The following GPC5 variants were observed in gnomAD, a reference collection of about 807,000 sequenced individuals.
GPC5 encodes glypican 5, also known as glypican-5.
Under a neutral mutation model 53.9 loss-of-function variants are expected in GPC5, and 47 were observed. The observed-to-expected ratio is 0.87, with a 90% CI of 0.69 to 1.11. The LOEUF is 1.11. Ranked by LOEUF, GPC5 falls within the 50% of genes most tolerant of loss-of-function variation. The pLI is 0.00. For missense variants in GPC5, 748 were observed against 713.1 expected, an observed-to-expected ratio of 1.05 and a Z score of -0.56; for synonymous variants, 286 against 263.3, an observed-to-expected ratio of 1.09 and a Z score of -0.84.
chr13:91,712,214 C>T (rs570785645), intron 3 of GPC5, among the ~76,000 whole-genome samples: 30 of 151,210 alleles, frequency 2.0e-4, no homozygotes, highest in African/African-American at 6.1e-4. Flanking sequence ...CCATATGCAC[C>T]GAGAATTATT....
At chr13:91,943,581 A>T (rs1159030530) in intron 6 of GPC5, among the ~76,000 whole-genome samples, 5 of 152,184 alleles carry the variant, frequency 3.3e-5, no homozygotes, top group African/African-American at 1.2e-4. Flanking sequence ...ACTATTTTTG[A>T]TAAGGTTGAT....
intron 3 of GPC5, among the ~76,000 whole-genome samples, chr13:91,721,835 C>A (rs2036481304): frequency 6.6e-6 from 1 of 152,192 alleles, no homozygotes; most frequent in Non-Finnish European, 1.5e-5. Flanking sequence ...AACCAATTGA[C>A]CACCTGGCTG....
chr13:92,011,902 T>C (rs2040665183), intron 6 of GPC5, among the ~76,000 whole-genome samples: 1 of 152,174 alleles, frequency 6.6e-6, no homozygotes, highest in Admixed American at 6.5e-5. Context: ...AGTGCTCACA[T>C]TGATAATGAT....
intron 7 of GPC5, chr13:92,240,166 TG>T (rs1218915110): frequency 6.6e-6 from 1 of 152,094 alleles, no homozygotes; most frequent in African/African-American, 2.4e-5. Flanking sequence ...TATATCTATT[TG>T]ATATTATATT....
chr13:92,551,881 T>TC (rs1467167171), intron 7 of GPC5, among the ~76,000 whole-genome samples: 1 of 151,862 alleles, frequency 6.6e-6, no homozygotes, highest in Non-Finnish European at 1.5e-5. Flanking sequence ...CTTGAGACTT[T>TC]CCCTGAAGGG....
rs1476567609 is a variant in GPC5 at position 91,904,080 on chromosome 13, C to A, written c.1281-3857C>A. On this transcript the variant is annotated intron_variant, in intron 5 of 7. Transcript: ENST00000377067. The stretch of plus-strand genomic sequence containing the variant: ...AGTTATATTACTGTTTAGCTGGTTA[C>A]ATGCAACCATTTGTTGAGGAGGATT... Among the ~76,000 whole-genome samples, 5 of 150,998 alleles carry A rather than the reference C, an allele frequency of 3.3e-5. No individual in the cohort carries two copies. In the East Asian group the frequency reaches 9.7e-4, roughly 29 times the overall value.
At chr13:92,598,908 T>C (rs1356948447) in intron 7 of GPC5, among the ~76,000 whole-genome samples, 1 of 152,188 alleles carries the variant, frequency 6.6e-6, no homozygotes, top group Non-Finnish European at 1.5e-5. Flanking sequence ...TCCCAGCTAC[T>C]TTGTGTGAGA....
At chr13:91,414,836 A>G (rs1201439015) in intron 1 of GPC5, among the ~76,000 whole-genome samples, 1 of 152,182 alleles carries the variant, frequency 6.6e-6, no homozygotes, top group Admixed American at 6.5e-5. Flanking sequence ...CCAACTAACT[A>G]TGAAGGTGGG....
intron 6 of GPC5, among the ~76,000 whole-genome samples, chr13:92,000,796 A>G (rs1230192997): frequency 1.3e-5 from 2 of 152,258 alleles, no homozygotes; most frequent in East Asian, 3.9e-4. Flanking sequence ...GAGAGGAACC[A>G]TACCTTTTAT....
At chr13:92,315,397 G>C (rs1171373089) in intron 7 of GPC5, among the ~76,000 whole-genome samples, 1 of 152,100 alleles carries the variant, frequency 6.6e-6, no homozygotes, top group Non-Finnish European at 1.5e-5. Context: ...AGCTACTTTA[G>C]AAACTCTACC....
chr13:92,338,280 C>T (rs2043338860), intron 7 of GPC5, among the ~76,000 whole-genome samples: 1 of 152,066 alleles, frequency 6.6e-6, no homozygotes, highest in Non-Finnish European at 1.5e-5. Flanking sequence ...AAATTCAAAA[C>T]ACCAAATGCT....
At chr13:91,923,592 T>C (rs2039737729) in intron 6 of GPC5, among the ~76,000 whole-genome samples, 1 of 151,690 alleles carries the variant, frequency 6.6e-6, no homozygotes, top group Middle Eastern at 3.2e-3. Flanking sequence ...ATGTAAGTTT[T>C]GCATTATATG....
chr13:92,769,378 A>T (rs1011349197), intron 7 of GPC5, among the ~76,000 whole-genome samples: 1 of 150,920 alleles, frequency 6.6e-6, no homozygotes, highest in Non-Finnish European at 1.5e-5. Flanking sequence ...TTTCAAATGC[A>T]TCATTTATTT....
intron 7 of GPC5, among the ~76,000 whole-genome samples, chr13:92,442,614 A>C (rs1233274500): frequency 6.6e-6 from 1 of 152,158 alleles, no homozygotes; most frequent in Admixed American, 6.6e-5. Flanking sequence ...TGGTACTAAG[A>C]AAAAAAGTAA....
chr13:91,519,816 A>T (rs530754567), intron 2 of GPC5, among the ~76,000 whole-genome samples: 1 of 152,154 alleles, frequency 6.6e-6, no homozygotes, highest in Non-Finnish European at 1.5e-5. Flanking sequence ...TGATTTTTAT[A>T]GGAAGGTAAT....
chr13:92,194,544 A>G (rs2042244655), intron 7 of GPC5, among the ~76,000 whole-genome samples: 1 of 152,254 alleles, frequency 6.6e-6, no homozygotes, highest in Non-Finnish European at 1.5e-5. Context: ...CTGTCTTATA[A>G]TACTTTTGCA....
At chr13:92,385,411 CATATATAT>C (rs1279962284) in intron 7 of GPC5, among the ~76,000 whole-genome samples, 2 of 35,612 alleles carry the variant, frequency 5.6e-5, no homozygotes, top group African/African-American at 7.1e-5. Flanking sequence ...CATATATACA[CATATATAT>C]ACATATATAC....
rs560498080 is a variant in GPC5 at position 92,002,964 on chromosome 13, G to T, written c.1401+94907G>T. Among the ~76,000 whole-genome samples the T allele has an allele frequency of 4.9e-4, 75 of 152,222 alleles. No individual in the cohort carries two copies. The South Asian group carries it at 0.015, about 31-fold the overall frequency. ...TAAAGCATTTAAGAACATTTAAATG[G>T]AAGAGTAGGAAACCCTGAGGTACTT... On this transcript the variant is annotated intron_variant, in intron 6 of 7. Transcript: ENST00000377067.
chr13:92,756,082 T>C (rs1313973654), intron 7 of GPC5, among the ~76,000 whole-genome samples: 1 of 151,912 alleles, frequency 6.6e-6, no homozygotes, highest in Non-Finnish European at 1.5e-5. Flanking sequence ...AAATCCTCAA[T>C]AAAATACTGG....
Sources: gnomAD v4.1 joint callset for allele counts (sites outside exome capture counted in the v4.1 genomes callset) on GRCh38, gnomAD v4.1.1 for gene constraint, MANE v1.5 for transcripts, NCBI Gene and HGNC (gene_info 2026-07-23, HGNC 2026-07-21) for gene names.